Variants in PINK1 observed in about 807,000 individuals in gnomAD.
PINK1 encodes serine/threonine-protein kinase PINK1, mitochondrial.
In PINK1, 58 loss-of-function variants were observed where a neutral mutation model predicts 56.0. The observed-to-expected ratio is 1.04, with a 90% confidence interval of 0.84 to 1.29. The LOEUF (loss-of-function observed/expected upper bound fraction) is 1.29, where lower values mean the gene tolerates loss of function less well. Ranked by LOEUF, PINK1 falls within the 50% of genes most tolerant of loss-of-function variation. PINK1 has a pLI of 0.00. For synonymous variants in PINK1, 354 were observed against 339.3 expected (o/e 1.04, Z -0.48); for missense variants, 745 against 777.9 (o/e 0.96, Z 0.50).
chr1:20,647,766 G>T (rs1405075628), intron 5 of PINK1, among the ~76,000 whole-genome samples: 1 of 152,088 alleles, frequency 6.6e-6, no homozygotes, highest in Non-Finnish European at 1.5e-5. Context: ...ACTGCGCCCA[G>T]CCAGGAACTG....
At chr1:20,637,756 C>T in intron 1 of PINK1, 86 bp from the exon 2 acceptor site, 2 of 1,503,048 alleles carry the variant, frequency 1.3e-6, no homozygotes, top group Non-Finnish European at 1.8e-6. Flanking sequence ...CCACGCCTTG[C>T]TGCACCTCTC....
At chr1:20,644,302 G>A (rs2053149676) in intron 3 of PINK1, among the ~76,000 whole-genome samples, 188 bp from the exon 4 acceptor site, 1 of 152,206 alleles carries the variant, frequency 6.6e-6, no homozygotes, top group Non-Finnish European at 1.5e-5. Context: ...TGAAGGATGG[G>A]TAGGGGAGTC....
At chr1:20,639,867 C>A (rs751892736) in intron 2 of PINK1, 25 bp from the exon 3 acceptor site, 39 of 1,601,274 alleles carry the variant, frequency 2.4e-5, no homozygotes, top group Non-Finnish European at 3.3e-5. Context: ...CCTGTGTAAC[C>A]CTGGGTTCCT....
intron 4 of PINK1, 81 bp downstream of exon 4, chr1:20,644,753 G>T: frequency 6.5e-7 from 1 of 1,536,678 alleles, no homozygotes; most frequent in Non-Finnish European, 8.9e-7. Flanking sequence ...TGTGCACCTT[G>T]ATCAGGGGGT....
In PINK1 at chr1:20,634,197, A is replaced by C. The variant is rs2053030770; in HGVS notation, c.387+262A>C. Among the ~76,000 whole-genome samples, 4 of 152,206 alleles carry C rather than the reference A, an allele frequency of 2.6e-5. No homozygotes were observed. In the South Asian group the frequency reaches 8.3e-4, roughly 32 times the overall value. On this transcript the variant is annotated intron_variant, in intron 1 of 7. Coordinates refer to ENST00000321556, the MANE Select transcript of PINK1 (RefSeq NM_032409.3). ...TACAGCTCCTGTCGCAGCACAGCAAAAGGCTTTGTGTAAATTTTCTAAAAT... is the reference window on the plus strand; with the variant it reads ...TACAGCTCCTGTCGCAGCACAGCAACAGGCTTTGTGTAAATTTTCTAAAAT...
chr1:20,648,811 T>C, intron 6 of PINK1, 179 bp downstream of exon 6: 1 of 1,291,862 alleles, frequency 7.7e-7, no homozygotes, highest in Non-Finnish European at 1.1e-6. Context: ...TCCAGGAGAA[T>C]GCAAGTCCTG....
chr1:20,650,956 G>T lies in PINK1; in HGVS notation c.*265G>T, dbSNP rs512550. Reference sequence around the variant, plus strand: ...GAGGAGGGGTAGGCCTGCATCCACAGAGAGGATCCAGGCCAAGGCACTGGC... The same window carrying T: ...GAGGAGGGGTAGGCCTGCATCCACATAGAGGATCCAGGCCAAGGCACTGGC... On this transcript the variant is annotated 3_prime_UTR_variant, in exon 8 of 8. Transcript: ENST00000321556. 298,416 of 519,190 alleles carry T rather than the reference G, an allele frequency of 0.57. 86,899 individuals carry two copies. The highest frequency in any genetic ancestry group is 0.69 in the Middle Eastern group (1,298 of 1,878). 32.2% of individuals were successfully genotyped at this position (519,190 alleles called of 1,614,324 possible).
At position 20,633,534 on chromosome 1, in the gene PINK1, G is replaced by C; in HGVS notation, c.-15G>C. The C allele has an allele frequency of 1.7e-6, 2 of 1,151,126 alleles. No individual in the cohort carries two copies. The highest frequency in any genetic ancestry group is 2.1e-6 in the Non-Finnish European group (2 of 936,678). The allele number at this position is 1,151,126 out of a possible 1,614,324, so 71.3% of individuals were successfully genotyped here. A position where few individuals can be genotyped will look rare whatever the true frequency, so the allele number is the denominator to read the frequency against. On this transcript the variant is annotated 5_prime_UTR_variant, in exon 1 of 8. Coordinates refer to ENST00000321556, the MANE Select transcript of PINK1 (RefSeq NM_032409.3). ...GGCAGCGGCGGCTGCGGGGGCACCG[G>C]GCCGCGGCGCCACCATGGCGGTGCG...
chr1:20,648,583 G>A lies in PINK1; in HGVS notation c.1202G>A (p.Ser401Asn), dbSNP rs2053217273. The change falls in exon 6 of 8, where the codon AGC becomes AAC. Residue 401 changes from serine (S) to asparagine (N), a missense_variant. Coordinates refer to ENST00000321556, the MANE Select transcript of PINK1 (RefSeq NM_032409.3). ...AGCATCGGCCTGCAGTTGCCCTTCA[G>A]CAGCTGGTACGTGGATCGGGGCGGA... ...DESIGLQLPFSSWYVDRGGNG... is the reference protein window; with the variant it reads ...DESIGLQLPFNSWYVDRGGNG... 6.2e-7 allele frequency: 1 copy of A among 1,614,146 alleles called. No homozygotes were observed. The highest frequency in any genetic ancestry group is 8.5e-7 in the Non-Finnish European group (1 of 1,180,034).
chr1:20,641,158 G>T lies in PINK1; in HGVS notation c.776+1166G>T, dbSNP rs1285083220. Among the ~76,000 whole-genome samples the T allele has an allele frequency of 6.6e-6, 1 of 152,148 alleles. No individual in the cohort carries two copies. The highest frequency in any genetic ancestry group is 1.9e-4 in the East Asian group (1 of 5,182). ...GGGAGGCAAAAGTATGAAATTAAGGGAGTGGTTGTGGAAAACCCCTTCCAT... is the reference window on the plus strand; with the variant it reads ...GGGAGGCAAAAGTATGAAATTAAGGTAGTGGTTGTGGAAAACCCCTTCCAT... On this transcript the variant is annotated intron_variant, in intron 3 of 7. Coordinates refer to ENST00000321556, the MANE Select transcript of PINK1 (RefSeq NM_032409.3). The surrounding 1 kb of genome is among the most constrained non-coding windows in gnomAD (Gnocchi z 4.0).
At chr1:20,636,151 G>A (rs560691210) in intron 1 of PINK1, among the ~76,000 whole-genome samples, 2 of 151,734 alleles carry the variant, frequency 1.3e-5, no homozygotes, top group South Asian at 4.2e-4. Flanking sequence ...TGGGCAACTA[G>A]CAGGAGTGTG....
intron 2 of PINK1, chr1:20,639,473 T>C: frequency 3.4e-6 from 1 of 291,734 alleles, no homozygotes; most frequent in Admixed American, 4.2e-5. Flanking sequence ...TGTTCTGTGA[T>C]TCAGTACAAC....
intron 2 of PINK1, chr1:20,638,667 AC>A (rs1167748015): frequency 1.0e-5 from 2 of 200,782 alleles, no homozygotes; most frequent in African/African-American, 4.8e-5. Context: ...AACAAAAAAA[AC>A]CCAAAGGTAG....
Position 20,650,440 on chromosome 1 carries a change from T to G in PINK1, c.1495T>G (p.Ser499Ala). 1 of 1,613,930 alleles carries G rather than the reference T, an allele frequency of 6.2e-7. No homozygotes were observed. The highest frequency in any genetic ancestry group is 1.1e-5 in the South Asian group (1 of 91,064). ...GCTTCCCTTCCTGTTGCAGAGACCATCTGCCCGAGTAGCCGCAAATGTGCT... is the reference window on the plus strand; with the variant it reads ...GCTTCCCTTCCTGTTGCAGAGACCAGCTGCCCGAGTAGCCGCAAATGTGCT... ...LLQREASKRP[S>A]ARVAANVLHL... is the part of the protein sequence containing the mutation. The change falls in exon 8 of 8, where the codon TCT (serine) becomes GCT (alanine). Residue 499 changes from serine to alanine, a missense_variant. Coordinates refer to ENST00000321556, the MANE Select transcript of PINK1 (RefSeq NM_032409.3).
Position 20,650,538 on chromosome 1 carries a change from C to G in PINK1, c.1593C>G (p.Leu531=). The change falls in exon 8 of 8, where the codon CTC becomes CTG. Residue 531 remains leucine, a synonymous_variant. Coordinates refer to ENST00000321556, the MANE Select transcript of PINK1 (RefSeq NM_032409.3). ...NLKLDKMVGW[L]LQQSAATLLA... Reference sequence around the variant, plus strand: ...AGTTAGACAAGATGGTTGGCTGGCTCCTCCAACAATCGGCCGCCACTTTGT... The same window carrying G: ...AGTTAGACAAGATGGTTGGCTGGCTGCTCCAACAATCGGCCGCCACTTTGT... 1 of 1,614,214 alleles carries G rather than the reference C, an allele frequency of 6.2e-7. No individual in the cohort carries two copies. Among genetic ancestry groups the G allele is most frequent in the Non-Finnish European group, 8.5e-7 (1 of 1,180,044 alleles).
intron 7 of PINK1, 90 bp downstream of exon 7, chr1:20,649,321 A>AGAGGATCTGTCACT: frequency 7.5e-7 from 1 of 1,336,836 alleles, no homozygotes; most frequent in Non-Finnish European, 1.1e-6. Context: ...CCAGAGCCAC[A>AGAGGATCTGTCACT]GTGACAGATC....
In PINK1 at chr1:20,638,019, G is replaced by A. The variant is rs757581951; in HGVS notation, c.565G>A (p.Gly189Arg). The A allele has an allele frequency of 5.5e-5, 88 of 1,614,068 alleles. 1 individual carries two copies. The Middle Eastern group carries it at 1.5e-3, about 27-fold the overall frequency. Residue 189 changes from glycine to arginine, a missense_variant, in exon 2 of 8, where the codon GGG (glycine) becomes AGG (arginine). By Grantham distance (125) the Gly-to-Arg change is moderately radical. Coordinates refer to ENST00000321556, the MANE Select transcript of PINK1 (RefSeq NM_032409.3). Reference protein sequence around the residue: ...PQNLEVTKSTGLLPGRGPGTS... With the variant: ...PQNLEVTKSTRLLPGRGPGTS... ...GAACCTGGAGGTGACAAAGAGCACC[G>A]GGTTGCTTCCAGGGAGAGGCCCAGG...
rs1423260557 is a variant in PINK1, at chr1:20,641,746, C to A, written c.776+1754C>A. Among the ~76,000 whole-genome samples, 1 of 152,098 alleles carries A rather than the reference C, an allele frequency of 6.6e-6. No individual in the cohort carries two copies. Among genetic ancestry groups the A allele is most frequent in the African/African-American group, 2.4e-5 (1 of 41,408 alleles). On this transcript the variant is annotated intron_variant, in intron 3 of 7. Coordinates refer to ENST00000321556, the MANE Select transcript of PINK1 (RefSeq NM_032409.3). This position sits in a 1 kb window ranked among gnomAD's most constrained non-coding sequence, Gnocchi z 4.0. ...ACCACGTCTCCCGCCTTATCTCTCACCCTTCTCATCAGCACCCTACACTCC... is the reference window on the plus strand; with the variant it reads ...ACCACGTCTCCCGCCTTATCTCTCAACCTTCTCATCAGCACCCTACACTCC...
Position 20,641,834 on chromosome 1 carries a change from G to A in PINK1, c.776+1842G>A, listed in dbSNP as rs2053118468. On this transcript the variant is annotated intron_variant, in intron 3 of 7. Transcript: ENST00000321556. This position sits in a 1 kb window ranked among gnomAD's most constrained non-coding sequence, Gnocchi z 4.0. ...AGGCTTCTCTGTGACCATCTCTTGA[G>A]CGTACAGCTGGCTATACCTGGGCTG... Among the ~76,000 whole-genome samples, 1 of 152,124 alleles carries A rather than the reference G, an allele frequency of 6.6e-6. No homozygotes were observed. The highest frequency in any genetic ancestry group is 6.5e-5 in the Admixed American group (1 of 15,282).
Sources: gnomAD v4.1 joint callset for allele counts (sites outside exome capture counted in the v4.1 genomes callset) on GRCh38, gnomAD v4.1.1 for gene constraint, Gnocchi (gnomAD v3.1) non-coding constraint, MANE v1.5 for transcripts, NCBI Gene and HGNC (gene_info 2026-07-23, HGNC 2026-07-21) for gene names.